GLRA3: variants seen among roughly 807,000 people sequenced by gnomAD.
GLRA3 encodes the protein glycine receptor subunit alpha-3.
Under a neutral mutation model 60.4 loss-of-function variants are expected in GLRA3, and 44 were observed. The ratio of observed to expected loss-of-function variants is 0.73; its 90% CI spans 0.57 to 0.94. GLRA3 has a LOEUF of 0.94. Among genes scored for constraint, GLRA3 ranks in the 40% least tolerant of loss-of-function variants. The pLI is 0.00. For missense variants in GLRA3, 508 were observed against 564.6 expected, an observed-to-expected ratio of 0.90 and a Z score of 1.02; for synonymous variants, 223 against 192.9, an observed-to-expected ratio of 1.16 and a Z score of -1.29.
chr4:174,822,211 C>T (rs1485943), intron 1 of GLRA3, among the ~76,000 whole-genome samples: 20,570 of 152,182 alleles, frequency 0.14, 1,532 homozygotes, highest in East Asian at 0.28. Context: ...GTAGCCATTG[C>T]TCCATACATT....
At chr4:174,728,032 G>A (rs545484433) in intron 4 of GLRA3, among the ~76,000 whole-genome samples, 1 of 152,148 alleles carries the variant, frequency 6.6e-6, no homozygotes, top group African/African-American at 2.4e-5. Context: ...GACCAGAGAA[G>A]CTCAAGGATA....
At chr4:174,781,808 T>C (rs183956863) in intron 2 of GLRA3, among the ~76,000 whole-genome samples, 123 of 152,314 alleles carry the variant, frequency 8.1e-4, no homozygotes, top group Non-Finnish European at 1.5e-3. Context: ...TGCTCTGCAA[T>C]TGTGGCAATA....
chr4:174,727,215 A>G (rs1263563876), intron 4 of GLRA3, among the ~76,000 whole-genome samples: 1 of 152,242 alleles, frequency 6.6e-6, no homozygotes, highest in Non-Finnish European at 1.5e-5. Flanking sequence ...ATAAAGCATT[A>G]TTTATAAAAC....
At chr4:174,723,890 CAA>C in intron 4 of GLRA3, among the ~76,000 whole-genome samples, 2 of 151,944 alleles carry the variant, frequency 1.3e-5, no homozygotes, top group Middle Eastern at 3.4e-3. Flanking sequence ...AAAATTCAAA[CAA>C]TATAAAATTA....
intron 3 of GLRA3, among the ~76,000 whole-genome samples, chr4:174,755,728 G>A (rs1023654141): frequency 2.6e-5 from 4 of 152,026 alleles, no homozygotes; most frequent in African/African-American, 9.7e-5. Context: ...GAGAGATTAA[G>A]ATATAGAGAA....
chr4:174,644,364 AC>A (rs1011541626), intron 9 of GLRA3, among the ~76,000 whole-genome samples: 4 of 152,014 alleles, frequency 2.6e-5, no homozygotes, highest in African/African-American at 7.2e-5. Context: ...TAAAAAAAAA[AC>A]AAGATAAAAT....
intron 1 of GLRA3, among the ~76,000 whole-genome samples, chr4:174,817,997 TGTTA>T (rs938627293): frequency 6.1e-4 from 93 of 152,298 alleles, no homozygotes; most frequent in African/African-American, 2.1e-3. Flanking sequence ...ATTTTGACCA[TGTTA>T]GTTTTTAAAA....
intron 3 of GLRA3, among the ~76,000 whole-genome samples, chr4:174,752,013 A>G (rs140589161): frequency 6.6e-6 from 1 of 152,284 alleles, no homozygotes; most frequent in East Asian, 1.9e-4. Flanking sequence ...GATGCAAAGC[A>G]TAGTCATTTC....
chr4:174,677,197 G>T lies in GLRA3; in HGVS notation c.808C>A (p.Leu270Ile), dbSNP rs764314613. ...TTGATCCAGAATGAAACCCAGGATA[G>T]AATAACAATCAGGAGACTGGGAATG... Reference protein sequence around the residue: ...MYIPSLLIVILSWVSFWINMD... With the variant: ...MYIPSLLIVIISWVSFWINMD... Residue 270 changes from leucine (L) to isoleucine (I), a missense_variant, in exon 7 of 10, where the codon CTA becomes ATA. Coordinates refer to ENST00000274093, the MANE Select transcript of GLRA3 (RefSeq NM_006529.4). The T allele has an allele frequency of 3.1e-6, 5 of 1,611,602 alleles. No individual in the cohort carries two copies. The East Asian group carries it at 1.1e-4, about 36-fold the overall frequency.
At chr4:174,731,755 C>A (rs1325696605) in intron 3 of GLRA3, among the ~76,000 whole-genome samples, 3 of 152,096 alleles carry the variant, frequency 2.0e-5, no homozygotes, top group Non-Finnish European at 2.9e-5. Context: ...ACATATACAA[C>A]TGACAGTTGA....
At chr4:174,736,157 T>C (rs1385844) in intron 3 of GLRA3, among the ~76,000 whole-genome samples, 143,970 of 152,152 alleles carry the variant, frequency 0.95, 68,587 homozygotes, top group East Asian at 1. Context: ...GAAGACATTC[T>C]AACTACTGTG....
At chr4:174,774,940 G>C (rs1738538171) in intron 2 of GLRA3, among the ~76,000 whole-genome samples, 1 of 152,110 alleles carries the variant, frequency 6.6e-6, no homozygotes, top group South Asian at 2.1e-4. Flanking sequence ...TTACATTGAA[G>C]TGGTTCAGAA....
At chr4:174,730,168 G>A (rs982649307) in intron 3 of GLRA3, among the ~76,000 whole-genome samples, 2 of 152,156 alleles carry the variant, frequency 1.3e-5, no homozygotes, top group African/African-American at 4.8e-5. Context: ...TCGCCACAAG[G>A]ATCTACAGAA....
intron 7 of GLRA3, among the ~76,000 whole-genome samples, chr4:174,676,393 T>C (rs1041260771): frequency 6.8e-6 from 1 of 146,432 alleles, no homozygotes; most frequent in Admixed American, 6.8e-5. Flanking sequence ...AAAATACTTG[T>C]AGTATAATTG....
chr4:174,741,350 T>C (rs9884792), intron 3 of GLRA3, among the ~76,000 whole-genome samples: 30,152 of 152,154 alleles, frequency 0.2, 4,399 homozygotes, highest in African/African-American at 0.41. Flanking sequence ...TGTCAAGTAG[T>C]GTTTTCTACC....
chr4:174,828,863 G>GAACCAGAAAGACAGAATGAAAATGTA lies in GLRA3; in HGVS notation c.-78_-53dup, dbSNP rs1741089187. Reference sequence around the variant, plus strand: ...AAAATAGTCTTATCCAAGGCATGGGGAACCAGAAAGACAGAATGAAAATGT... The same window carrying GAACCAGAAAGACAGAATGAAAATGTA: ...AAAATAGTCTTATCCAAGGCATGGGGAACCAGAAAGACAGAATGAAAATGTAAACCAGAAAGACAGAATGAAAATGT... On this transcript the variant is annotated 5_prime_UTR_variant, in exon 1 of 10. Transcript: ENST00000274093. 2.6e-6 allele frequency: 3 copies of GAACCAGAAAGACAGAATGAAAATGTA among 1,154,748 alleles called. No homozygotes were observed. In the African/African-American group the frequency reaches 4.5e-5, roughly 17 times the overall value. The allele number at this position is 1,154,748 out of a possible 1,614,324, so 71.5% of individuals were successfully genotyped here. A position where few individuals can be genotyped will look rare whatever the true frequency, so the allele number is the denominator to read the frequency against.
At chr4:174,808,955 G>GA (rs1560811827) in intron 1 of GLRA3, among the ~76,000 whole-genome samples, 1 of 152,080 alleles carries the variant, frequency 6.6e-6, no homozygotes, top group African/African-American at 2.4e-5. Flanking sequence ...CCGTAAGAAA[G>GA]AAAATATTTT....
chr4:174,812,300 C>T (rs1202510335), intron 1 of GLRA3, among the ~76,000 whole-genome samples: 1 of 152,100 alleles, frequency 6.6e-6, no homozygotes, highest in Non-Finnish European at 1.5e-5. Context: ...CAGATGTACA[C>T]AGATATTGCA....
chr4:174,731,462 T>G (rs921481069), intron 3 of GLRA3, among the ~76,000 whole-genome samples: 1 of 152,102 alleles, frequency 6.6e-6, no homozygotes, highest in Non-Finnish European at 1.5e-5. Flanking sequence ...TACAACACAT[T>G]TTGTATATGG....
Sources: allele counts gnomAD v4.1 joint callset (sites outside exome capture counted in the v4.1 genomes callset), GRCh38; gene constraint gnomAD v4.1.1; transcripts MANE v1.5; gene names NCBI Gene and HGNC (gene_info 2026-07-23, HGNC 2026-07-21).